ARHGAP42: variants seen among roughly 807,000 people sequenced by gnomAD.
ARHGAP42 encodes the protein Rho GTPase activating protein 42, also known as rho GTPase-activating protein 42.
ARHGAP42 carries 63 observed loss-of-function variants against 125.0 expected under a neutral mutation model. The observed-to-expected ratio is 0.50, with a 90% CI of 0.41 to 0.62. ARHGAP42 has a LOEUF of 0.62. ARHGAP42 is among the 20% of genes least tolerant of loss of function. The pLI is 0.00. For missense variants in ARHGAP42, 766 were observed against 1,024.2 expected, an observed-to-expected ratio of 0.75 and a Z score of 3.44; for synonymous variants, 339 against 351.0, an observed-to-expected ratio of 0.97 and a Z score of 0.38.
At chr11:100,939,239 T>A (rs1867814000) in intron 8 of ARHGAP42, among the ~76,000 whole-genome samples, 1 of 152,148 alleles carries the variant, frequency 6.6e-6, no homozygotes, top group African/African-American at 2.4e-5. Flanking sequence ...AATAGTTTTC[T>A]GAGCTCAGTC....
intron 1 of ARHGAP42, among the ~76,000 whole-genome samples, chr11:100,756,222 C>CAAAAA (rs56164175): frequency 6.3e-5 from 3 of 47,926 alleles, no homozygotes; most frequent in African/African-American, 8.1e-5. Flanking sequence ...CTTGTCTCTA[C>CAAAAA]AAAAAAAAAA....
At chr11:100,874,388 C>G (rs542016061) in intron 4 of ARHGAP42, among the ~76,000 whole-genome samples, 1 of 152,316 alleles carries the variant, frequency 6.6e-6, no homozygotes, top group South Asian at 2.1e-4. Context: ...CGAACTACAT[C>G]CAGACCATAG....
intron 4 of ARHGAP42, among the ~76,000 whole-genome samples, chr11:100,871,243 G>A (rs559396794): frequency 6.6e-6 from 1 of 152,142 alleles, no homozygotes; most frequent in Admixed American, 6.6e-5. Context: ...CCTGTTTCCA[G>A]TATAAAAATT....
chr11:100,984,799 GA>G (rs1858632214), intron 22 of ARHGAP42, among the ~76,000 whole-genome samples: 1 of 151,984 alleles, frequency 6.6e-6, no homozygotes, highest in African/African-American at 2.4e-5. Context: ...ATCTTCTGAA[GA>G]GAGATACAAT....
intron 6 of ARHGAP42, among the ~76,000 whole-genome samples, chr11:100,928,756 G>A (rs1334893117): frequency 1.3e-5 from 2 of 151,046 alleles, no homozygotes; most frequent in African/African-American, 4.8e-5. Flanking sequence ...CATCCTTTAG[G>A]TATCATTCCC....
chr11:100,759,438 A>G (rs1289461152), intron 1 of ARHGAP42, among the ~76,000 whole-genome samples: 1 of 152,102 alleles, frequency 6.6e-6, no homozygotes, highest in Non-Finnish European at 1.5e-5. Context: ...GAATTCCCAC[A>G]TTCAGTTCTG....
At chr11:100,921,400 G>A (rs1867264133) in intron 5 of ARHGAP42, 94 bp from the exon 6 acceptor site, 5 of 951,082 alleles carry the variant, frequency 5.3e-6, no homozygotes, top group Non-Finnish European at 6.3e-6. Context: ...TAAACTTTTT[G>A]TAGGAGTTAC....
chr11:100,993,068 G>A lies in ARHGAP42; in HGVS notation c.*4267G>A, dbSNP rs902534337. 1 of 188,608 alleles carries A rather than the reference G, an allele frequency of 5.3e-6. No individual in the cohort carries two copies. The highest frequency in any genetic ancestry group is 1.2e-5 in the Non-Finnish European group (1 of 81,582). The allele number at this position is 188,608 out of a possible 1,614,324, so 11.7% of individuals were successfully genotyped here. A position where few individuals can be genotyped will look rare whatever the true frequency, so the allele number is the denominator to read the frequency against. ...ACCATTCAAGATGCCTGTGTACACG[G>A]CTATTTGGGAAACTTAAGTGTTGGA... On this transcript the variant is annotated 3_prime_UTR_variant, in exon 24 of 24. Transcript: ENST00000298815.
At chr11:100,960,011 G>C (rs1488183525) in intron 13 of ARHGAP42, 66 bp downstream of exon 13, 2 of 1,362,352 alleles carry the variant, frequency 1.5e-6, no homozygotes, top group African/African-American at 2.9e-5. Context: ...AAAACTCTCA[G>C]AGTAGATAAA....
intron 4 of ARHGAP42, among the ~76,000 whole-genome samples, chr11:100,892,021 G>C (rs1054440779): frequency 6.6e-6 from 1 of 152,128 alleles, no homozygotes; most frequent in Non-Finnish European, 1.5e-5. Flanking sequence ...CAAGCACATT[G>C]GTATTAGTAG....
chr11:100,817,356 A>G (rs571156208), intron 3 of ARHGAP42, among the ~76,000 whole-genome samples: 1 of 152,282 alleles, frequency 6.6e-6, no homozygotes, highest in South Asian at 2.1e-4. Context: ...TAGTGTATCT[A>G]ATAGGTATCC....
At chr11:100,687,935 A>C in intron 1 of ARHGAP42, 103 bp downstream of exon 1, 1 of 1,336,080 alleles carries the variant, frequency 7.5e-7, no homozygotes, top group Non-Finnish European at 1.0e-6. Flanking sequence ...TTTTGTTTGA[A>C]TGGATTTGGG....
intron 8 of ARHGAP42, among the ~76,000 whole-genome samples, chr11:100,940,484 T>C (rs891671320): frequency 1.3e-5 from 2 of 152,152 alleles, no homozygotes; most frequent in African/African-American, 4.8e-5. Flanking sequence ...TCTTCCACCT[T>C]GGTCATGGAA....
At chr11:100,875,345 C>T (rs1308151714) in intron 4 of ARHGAP42, among the ~76,000 whole-genome samples, 1 of 152,024 alleles carries the variant, frequency 6.6e-6, no homozygotes, top group Non-Finnish European at 1.5e-5. Context: ...TTTATCAGGT[C>T]CTGTTCCTAG....
intron 1 of ARHGAP42, among the ~76,000 whole-genome samples, chr11:100,757,186 T>A (rs938797692): frequency 4.6e-5 from 7 of 152,216 alleles, no homozygotes; most frequent in African/African-American, 1.7e-4. Flanking sequence ...AAATGAAATT[T>A]GTATTTGCTA....
chr11:100,939,285 T>A (rs889013733), intron 8 of ARHGAP42, among the ~76,000 whole-genome samples: 2 of 152,118 alleles, frequency 1.3e-5, no homozygotes, highest in Non-Finnish European at 2.9e-5. Context: ...TTTAAACCCA[T>A]GTCATAATGA....
At chr11:100,775,914 C>A (rs1179172515) in intron 2 of ARHGAP42, among the ~76,000 whole-genome samples, 2 of 152,272 alleles carry the variant, frequency 1.3e-5, no homozygotes, top group Middle Eastern at 3.4e-3. Flanking sequence ...AATCCCAGCA[C>A]TTTGGGAGGC....
chr11:100,824,849 T>C (rs1199096124), intron 3 of ARHGAP42, among the ~76,000 whole-genome samples: 2 of 152,242 alleles, frequency 1.3e-5, no homozygotes, highest in Non-Finnish European at 2.9e-5. Flanking sequence ...TTTATAATCA[T>C]TCCTTACTGG....
chr11:100,760,809 T>A (rs1862683748), intron 1 of ARHGAP42, among the ~76,000 whole-genome samples: 1 of 152,132 alleles, frequency 6.6e-6, no homozygotes, highest in Non-Finnish European at 1.5e-5. Flanking sequence ...GGCAATAGGA[T>A]GATATGTGAC....
Sources: allele counts gnomAD v4.1 joint callset (sites outside exome capture counted in the v4.1 genomes callset), GRCh38; gene constraint gnomAD v4.1.1; transcripts MANE v1.5; gene names NCBI Gene and HGNC (gene_info 2026-07-23, HGNC 2026-07-21).